Variants in STK3 observed in about 807,000 individuals in gnomAD.
The protein encoded by STK3 is serine/threonine kinase 3.
In STK3, 41 loss-of-function variants were observed where a neutral mutation model predicts 58.0. That is an observed-to-expected ratio of 0.71 (90% confidence interval 0.55 to 0.92). STK3 has a LOEUF of 0.92. STK3 is among the 40% of genes least tolerant of loss of function. The pLI, the probability that STK3 is intolerant of heterozygous loss-of-function variation, is 0.00. For missense variants in STK3, 479 were observed against 602.7 expected, an observed-to-expected ratio of 0.79 and a Z score of 2.15; for synonymous variants, 170 against 191.0, an observed-to-expected ratio of 0.89 and a Z score of 0.91.
intron 7 of STK3, chr8:98,595,415 A>G (rs1815729337): frequency 6.6e-6 from 1 of 151,920 alleles, no homozygotes; most frequent in Non-Finnish European, 1.5e-5. Flanking sequence ...AATAGAAATC[A>G]TTTAGCAAAT....
intron 6 of STK3, among the ~76,000 whole-genome samples, chr8:98,687,166 A>G (rs986437834): frequency 6.6e-6 from 1 of 152,190 alleles, no homozygotes; most frequent in African/African-American, 2.4e-5. Flanking sequence ...AAAAAACCTT[A>G]AAGGCAGCTA....
chr8:98,907,981 C>A (rs1838982244), intron 1 of STK3, among the ~76,000 whole-genome samples: 1 of 152,162 alleles, frequency 6.6e-6, no homozygotes. Context: ...TGTCTTGTAT[C>A]ATGTTCCTCT....
In STK3 at chr8:98,941,014, C is replaced by A. The variant is rs572470302; in HGVS notation, c.-79+1364G>T. ...GGGGCTCGGGCCCAGGTACAGGGAG[C>A]CGCTGGGCCGGCGGGGCAGCTGTTG... is the stretch of plus-strand genomic sequence containing the variant. On this transcript the variant is annotated intron_variant, in intron 1 of 1. Transcript: ENST00000519420. Among the ~76,000 whole-genome samples, 8 of 152,342 alleles carry A rather than the reference C, an allele frequency of 5.3e-5. No individual in the cohort carries two copies. In the South Asian group the frequency reaches 6.2e-4, roughly 12 times the overall value.
intron 7 of STK3, among the ~76,000 whole-genome samples, chr8:98,590,449 C>A (rs1815198618): frequency 6.6e-6 from 1 of 152,110 alleles, no homozygotes; most frequent in African/African-American, 2.4e-5. Context: ...GAGCCTTGGG[C>A]CAGAGTTCCA....
At chr8:98,874,865 C>G (rs1837511221) in intron 3 of STK3, among the ~76,000 whole-genome samples, 1 of 151,998 alleles carries the variant, frequency 6.6e-6, no homozygotes, top group South Asian at 2.1e-4. Context: ...CTTAAGCAAT[C>G]CCCTCACCCT....
At chr8:98,720,954 T>C in intron 4 of STK3, 1 of 335,884 alleles carries the variant, frequency 3.0e-6, no homozygotes, top group Non-Finnish European at 4.2e-6. Flanking sequence ...AAATCATCCC[T>C]GAATATCAGA....
chr8:98,705,868 T>C (rs1322752606), intron 6 of STK3, among the ~76,000 whole-genome samples: 6 of 151,892 alleles, frequency 4.0e-5, no homozygotes, highest in East Asian at 1.9e-4. Flanking sequence ...ATATGCAAAA[T>C]ATATATTTCA....
chr8:98,683,129 T>C (rs571569927), intron 6 of STK3, among the ~76,000 whole-genome samples: 1 of 152,002 alleles, frequency 6.6e-6, no homozygotes, highest in South Asian at 2.1e-4. Context: ...CCACTACTGA[T>C]TTTTCTGATC....
intron 10 of STK3, among the ~76,000 whole-genome samples, chr8:98,487,155 A>C (rs1822333685): frequency 6.6e-6 from 1 of 152,246 alleles, no homozygotes; most frequent in Non-Finnish European, 1.5e-5. Context: ...AGATTTTATC[A>C]CCAAGAAGGT....
intron 3 of STK3, among the ~76,000 whole-genome samples, chr8:98,862,508 G>A (rs146496112): frequency 6.0e-4 from 91 of 152,296 alleles, no homozygotes; most frequent in African/African-American, 2.1e-3. Flanking sequence ...TAAATTCATA[G>A]GCCCTTTTAA....
intron 3 of STK3, among the ~76,000 whole-genome samples, chr8:98,847,178 A>G (rs1836239590): frequency 6.6e-6 from 1 of 152,216 alleles, no homozygotes; most frequent in South Asian, 2.1e-4. Flanking sequence ...GCAGCACGCT[A>G]TGATTGCATC....
At chr8:98,370,954 CT>C (rs908329674), downstream of STK3, among the ~76,000 whole-genome samples, 1 of 152,180 alleles carries the variant, frequency 6.6e-6, no homozygotes, top group African/African-American at 2.4e-5. Context: ...ATGTGAAAGA[CT>C]TTGCCTAGAG....
At chr8:98,621,298 A>G (rs76906573) in intron 6 of STK3, among the ~76,000 whole-genome samples, 1,742 of 152,280 alleles carry the variant, frequency 0.011, 33 homozygotes, top group African/African-American at 0.04. Context: ...CATTAATTCT[A>G]TGAGTTTATT....
At chr8:98,347,279 C>A in the STK3 span, among the ~76,000 whole-genome samples, 1 of 151,870 alleles carries the variant, frequency 6.6e-6, no homozygotes, top group Non-Finnish European at 1.5e-5. Context: ...CTTTGGGAGG[C>A]CGAGGCGGGC....
intron 9 of STK3, among the ~76,000 whole-genome samples, chr8:98,536,873 A>G (rs1357197998): frequency 1.3e-5 from 2 of 152,346 alleles, no homozygotes; most frequent in Non-Finnish European, 1.5e-5. Flanking sequence ...AAACATCCCA[A>G]TTTCAAACTT....
At chr8:98,804,821 T>C (rs868132894) in intron 1 of STK3, among the ~76,000 whole-genome samples, 6 of 152,234 alleles carry the variant, frequency 3.9e-5, no homozygotes, top group Middle Eastern at 3.4e-3. Flanking sequence ...TCTAGGTCAA[T>C]AGCAATTTCA....
Position 98,869,310 on chromosome 8 carries a change from A to G in STK3, c.110+14337T>C, listed in dbSNP as rs1837275637. Among the ~76,000 whole-genome samples, 3 of 152,160 alleles carry G rather than the reference A, an allele frequency of 2.0e-5. No homozygotes were observed. The South Asian group carries it at 6.2e-4, about 31-fold the overall frequency. On this transcript the variant is annotated intron_variant, in intron 3 of 12. Coordinates refer to the STK3 transcript ENST00000523601. Reference sequence around the variant, plus strand: ...ATGGCTCACACCTGTAATCTCAGCTATTCAGAAGGCTGAGGCACGAGAATC... The same window carrying G: ...ATGGCTCACACCTGTAATCTCAGCTGTTCAGAAGGCTGAGGCACGAGAATC...
chr8:98,699,244 A>G (rs1347492345), intron 6 of STK3, among the ~76,000 whole-genome samples: 1 of 152,044 alleles, frequency 6.6e-6, no homozygotes, highest in Non-Finnish European at 1.5e-5. Flanking sequence ...TGTATTGGTT[A>G]TTCTAGTTAT....
chr8:98,774,785 T>C lies in STK3; in HGVS notation c.61A>G (p.Lys21Glu). ...ACATCAAAAACTTCTTCAGGCTGCT[T>C]AGTCAAACTGTCTTCACTCAGCTTT... ...LKKLSEDSLT[K>E]QPEEVFDVLE... The change falls in exon 2 of 11, where the codon AAG (lysine) becomes GAG (glutamate). Residue 21 changes from lysine to glutamate, a missense_variant. Around this residue, in one of 3 missense-constraint regions of STK3, gnomAD observed 44 missense variants for 37.0 expected, o/e 1.19. Coordinates refer to ENST00000419617, the MANE Select transcript of STK3 (RefSeq NM_006281.4). 6.3e-7 allele frequency: 1 copy of C among 1,586,166 alleles called. No individual in the cohort carries two copies. Among genetic ancestry groups the C allele is most frequent in the East Asian group, 2.3e-5 (1 of 43,934 alleles).
Sources: gnomAD v4.1 joint callset for allele counts (sites outside exome capture counted in the v4.1 genomes callset) on GRCh38, gnomAD v4.1.1 for gene constraint, gnomAD v4.1.1 regional missense constraint, MANE v1.5 for transcripts, NCBI Gene and HGNC (gene_info 2026-07-23, HGNC 2026-07-21) for gene names.